RBFOX1: variants seen among roughly 807,000 people sequenced by gnomAD.
RBFOX1 encodes RNA binding fox-1 homolog 1.
In RBFOX1, 8 loss-of-function variants were observed where a neutral mutation model predicts 57.7. That is an observed-to-expected ratio of 0.14 (90% CI 0.08 to 0.25). The LOEUF (loss-of-function observed/expected upper bound fraction) is 0.25, where lower values mean the gene tolerates loss of function less well. Ranked by LOEUF, RBFOX1 falls within the 10% of genes least tolerant of loss-of-function variation. The pLI, the probability that RBFOX1 is intolerant of heterozygous loss-of-function variation, is 1.00. For synonymous variants in RBFOX1, 326 were observed against 222.4 expected (o/e 1.47, Z -4.15); for missense variants, 611 against 548.5 (o/e 1.11, Z -1.14).
chr16:7,645,453 C>T (rs1231586749), intron 11 of RBFOX1, among the ~76,000 whole-genome samples: 1 of 152,180 alleles, frequency 6.6e-6, no homozygotes, highest in African/African-American at 2.4e-5. Context: ...GGAAGAAACA[C>T]ATCTTGCCTT....
chr16:6,627,602 T>C (rs1320318431), intron 2 of RBFOX1, among the ~76,000 whole-genome samples: 1 of 152,142 alleles, frequency 6.6e-6, no homozygotes, highest in Non-Finnish European at 1.5e-5. Flanking sequence ...AGACTGAGAA[T>C]ATACTATTAA....
At chr16:5,395,829 T>C (rs1050695534) in intron 1 of RBFOX1, among the ~76,000 whole-genome samples, 3 of 152,222 alleles carry the variant, frequency 2.0e-5, no homozygotes, top group Non-Finnish European at 2.9e-5. Context: ...GAGAAGCCCA[T>C]GTAGCAAGGC....
intron 2 of RBFOX1, among the ~76,000 whole-genome samples, chr16:5,480,045 G>C (rs1453272060): frequency 2.0e-5 from 3 of 152,130 alleles, no homozygotes; most frequent in Admixed American, 2.0e-4. Context: ...TCAGAAAGTG[G>C]TGTTCTGCAT....
intron 3 of RBFOX1, among the ~76,000 whole-genome samples, chr16:6,814,378 G>T (rs1043001678): frequency 6.6e-6 from 1 of 152,226 alleles, no homozygotes; most frequent in African/African-American, 2.4e-5. Flanking sequence ...TTCTGACATT[G>T]TTTTCCATCC....
chr16:7,668,639 C>T (rs1186948738), intron 13 of RBFOX1, among the ~76,000 whole-genome samples: 1 of 150,198 alleles, frequency 6.7e-6, no homozygotes, highest in Non-Finnish European at 1.5e-5. Context: ...ATCTGAGTCC[C>T]TTCTACCTGA....
intron 3 of RBFOX1, among the ~76,000 whole-genome samples, chr16:7,023,167 G>T (rs999040881): frequency 6.6e-6 from 1 of 152,016 alleles, no homozygotes; most frequent in Non-Finnish European, 1.5e-5. Context: ...GCAGAAGGAG[G>T]GAGGTAATGA....
intron 2 of RBFOX1, among the ~76,000 whole-genome samples, chr16:6,383,092 G>T (rs1489487572): frequency 6.6e-6 from 1 of 152,186 alleles, no homozygotes; most frequent in East Asian, 1.9e-4. Context: ...TTGCTGACAT[G>T]TGCTAGCAAA....
intron 3 of RBFOX1, among the ~76,000 whole-genome samples, chr16:6,855,670 A>T (rs1026289133): frequency 3.4e-5 from 5 of 148,688 alleles, no homozygotes; most frequent in African/African-American, 1.3e-4. Context: ...AAAAAAAAAG[A>T]TCTTTTAACT....
At chr16:6,398,303 C>T (rs1285441153) in intron 2 of RBFOX1, among the ~76,000 whole-genome samples, 3 of 152,114 alleles carry the variant, frequency 2.0e-5, no homozygotes. Context: ...TCATTCTGCT[C>T]CTGGTCCTTT....
rs146431099 is a variant in RBFOX1 at position 6,711,279 on chromosome 16, C to T, written c.-16+56629C>T. Among the ~76,000 whole-genome samples the T allele has an allele frequency of 2.8e-3, 429 of 152,232 alleles. 3 individuals are homozygous for T. Among genetic ancestry groups the T allele is most frequent in the African/African-American group, 9.9e-3 (410 of 41,534 alleles). On this transcript the variant is annotated intron_variant, in intron 3 of 15. Transcript: ENST00000550418. ...CACTGTTTTGTCTCCACACGCCCCT[C>T]CCCCCATGGCTTCTGTCTCACTGAG...
rs5815245 is a variant in RBFOX1, at chr16:5,434,317, C to CTTTTTTTTTTTTTTT, written c.220-32891_220-32877dup. 2.1e-4 allele frequency among the ~76,000 whole-genome samples: 17 copies of CTTTTTTTTTTTTTTT among 79,732 alleles called. 2 individuals carry two copies. Among genetic ancestry groups the CTTTTTTTTTTTTTTT allele is most frequent in the African/African-American group, 7.1e-4 (14 of 19,706 alleles). The allele number at this position is 79,732 out of a possible 152,430, so 52.3% of individuals were successfully genotyped here. On this transcript the variant is annotated intron_variant, in intron 1 of 2. Transcript: ENST00000585867. Reference sequence around the variant, plus strand: ...AGAGGGAGCCATCTCTGCTGAAGTCCTTTTTTTTTTTTTTTTTTTTTTGAG... The same window carrying CTTTTTTTTTTTTTTT: ...AGAGGGAGCCATCTCTGCTGAAGTCCTTTTTTTTTTTTTTTTTTTTTTTTTTTTTTTTTTTTTGAG...
At chr16:7,379,578 T>C (rs892842876) in intron 4 of RBFOX1, among the ~76,000 whole-genome samples, 1 of 152,214 alleles carries the variant, frequency 6.6e-6, no homozygotes, top group Non-Finnish European at 1.5e-5. Flanking sequence ...TAAATATATA[T>C]AGACAATAAA....
chr16:5,801,688 C>T (rs1173310925), intron 3 of RBFOX1, among the ~76,000 whole-genome samples: 1 of 152,182 alleles, frequency 6.6e-6, no homozygotes, highest in Non-Finnish European at 1.5e-5. Context: ...GATGTAATGG[C>T]AGGCACAATG....
At chr16:7,223,916 A>G (rs766022047) in intron 4 of RBFOX1, among the ~76,000 whole-genome samples, 1 of 151,968 alleles carries the variant, frequency 6.6e-6, no homozygotes, top group African/African-American at 2.4e-5. Flanking sequence ...AATTGTACCA[A>G]GTTGAAAGTG....
At chr16:6,410,705 G>A (rs1313331160) in intron 2 of RBFOX1, among the ~76,000 whole-genome samples, 1 of 152,174 alleles carries the variant, frequency 6.6e-6, no homozygotes, top group African/African-American at 2.4e-5. Flanking sequence ...GTTGAATCAC[G>A]TGTGTCTATC....
chr16:5,784,802 G>T (rs1037382770), intron 3 of RBFOX1, among the ~76,000 whole-genome samples: 2 of 152,098 alleles, frequency 1.3e-5, no homozygotes, highest in Non-Finnish European at 2.9e-5. Context: ...GCCATGTGAG[G>T]ACATGGCGCA....
chr16:7,384,336 A>G (rs185692910), intron 4 of RBFOX1, among the ~76,000 whole-genome samples: 51 of 152,278 alleles, frequency 3.3e-4, no homozygotes, highest in African/African-American at 1.1e-3. Flanking sequence ...GAAAATTTCA[A>G]TATGAAAAAC....
At chr16:5,771,528 C>G (rs1490595784) in intron 3 of RBFOX1, among the ~76,000 whole-genome samples, 1 of 152,146 alleles carries the variant, frequency 6.6e-6, no homozygotes, top group Non-Finnish European at 1.5e-5. Flanking sequence ...TATGCCTCAG[C>G]CTCCCGAATA....
chr16:7,195,800 G>C (rs1157952794), intron 4 of RBFOX1, among the ~76,000 whole-genome samples: 1 of 152,144 alleles, frequency 6.6e-6, no homozygotes, highest in African/African-American at 2.4e-5. Flanking sequence ...TAATCTGCCT[G>C]CCTCTGCCTC....
Sources: gnomAD v4.1 joint callset for allele counts (sites outside exome capture counted in the v4.1 genomes callset) on GRCh38, gnomAD v4.1.1 for gene constraint, MANE v1.5 for transcripts, NCBI Gene and HGNC (gene_info 2026-07-23, HGNC 2026-07-21) for gene names.